Variants in IQCM observed in about 807,000 individuals in gnomAD.
IQCM encodes the protein IQ motif containing M, also known as IQ domain-containing protein M.
In IQCM, 45 loss-of-function variants were observed where a neutral mutation model predicts 57.6. The observed-to-expected ratio is 0.78, with a 90% CI of 0.62 to 1.00. The LOEUF (loss-of-function observed/expected upper bound fraction) is 1.00, where lower values mean the gene tolerates loss of function less well. Ranked by LOEUF, IQCM falls within the 50% of genes least tolerant of loss-of-function variation. IQCM has a pLI of 0.00. For synonymous variants in IQCM, 148 were observed against 158.9 expected (o/e 0.93, Z 0.51); for missense variants, 468 against 511.6 (o/e 0.91, Z 0.82).
chr4:149,813,953 A>G (rs1774823815), intron 2 of IQCM, among the ~76,000 whole-genome samples: 1 of 152,046 alleles, frequency 6.6e-6, no homozygotes, highest in Admixed American at 6.6e-5. Flanking sequence ...AAACCTCCCA[A>G]TAATTGAACA....
chr4:149,625,996 T>A (rs1218788676), intron 7 of IQCM, among the ~76,000 whole-genome samples: 1 of 152,136 alleles, frequency 6.6e-6, no homozygotes, highest in African/African-American at 2.4e-5. Context: ...TAATACTTTT[T>A]GTGCTGTGAT....
At chr4:149,567,359 T>A (rs1053600469) in intron 9 of IQCM, among the ~76,000 whole-genome samples, 1 of 152,060 alleles carries the variant, frequency 6.6e-6, no homozygotes, top group Non-Finnish European at 1.5e-5. Flanking sequence ...ATTATTATCC[T>A]TTTTTGAGAC....
intron 10 of IQCM, among the ~76,000 whole-genome samples, chr4:149,563,129 G>A (rs1750289181): frequency 6.6e-6 from 1 of 152,136 alleles, no homozygotes; most frequent in Non-Finnish European, 1.5e-5. Context: ...TATGAAAGTT[G>A]ACCAGGTAGA....
chr4:149,620,274 T>G (rs1418781412), intron 8 of IQCM, among the ~76,000 whole-genome samples: 7 of 152,128 alleles, frequency 4.6e-5, no homozygotes, highest in African/African-American at 1.7e-4. Flanking sequence ...GCCAGCAACT[T>G]TATCTTGGAC....
chr4:149,487,211 G>C (rs1579231584), intron 12 of IQCM, among the ~76,000 whole-genome samples: 1 of 152,114 alleles, frequency 6.6e-6, no homozygotes, highest in African/African-American at 2.4e-5. Flanking sequence ...CCAGGGTGTG[G>C]CTAGAAATGA....
intron 2 of IQCM, chr4:149,780,133 C>T (rs1182131295): frequency 6.6e-6 from 1 of 152,090 alleles, no homozygotes; most frequent in African/African-American, 2.4e-5. Context: ...AATATTACAG[C>T]ATAAACATTA....
intron 2 of IQCM, among the ~76,000 whole-genome samples, chr4:149,812,505 C>CAG (rs34873693): frequency 0.17 from 19,450 of 112,976 alleles, 1,282 homozygotes; most frequent in African/African-American, 0.34. Flanking sequence ...CACACACAGA[C>CAG]ACACACACAC....
At chr4:149,711,687 G>A (rs890529305) in intron 5 of IQCM, among the ~76,000 whole-genome samples, 4 of 142,906 alleles carry the variant, frequency 2.8e-5, no homozygotes, top group South Asian at 2.1e-4. Context: ...AAATAAAAAA[G>A]CAAAGGTCAT....
intron 8 of IQCM, among the ~76,000 whole-genome samples, chr4:149,614,609 T>G (rs2150060460): frequency 6.6e-6 from 1 of 152,300 alleles, no homozygotes; most frequent in South Asian, 2.1e-4. Context: ...GCTTGTCAGC[T>G]CTTCCTCATT....
At chr4:149,729,817 T>A (rs2149879570) in intron 5 of IQCM, among the ~76,000 whole-genome samples, 1 of 152,306 alleles carries the variant, frequency 6.6e-6, no homozygotes, top group African/African-American at 2.4e-5. Flanking sequence ...TGGTAAAAGA[T>A]GTACTTTTAA....
At chr4:149,797,322 GA>G (rs1410024349) in intron 2 of IQCM, among the ~76,000 whole-genome samples, 1 of 151,994 alleles carries the variant, frequency 6.6e-6, no homozygotes, top group Non-Finnish European at 1.5e-5. Flanking sequence ...TGATCAAGCA[GA>G]AGAAAGAATT....
At chr4:149,359,513 G>A (rs1729325115) in intron 13 of IQCM, among the ~76,000 whole-genome samples, 1 of 151,954 alleles carries the variant, frequency 6.6e-6, no homozygotes, top group South Asian at 2.1e-4. Flanking sequence ...TAGATAATTA[G>A]GAAATAATTA....
At chr4:149,806,081 A>C (rs906325559) in intron 2 of IQCM, among the ~76,000 whole-genome samples, 18 of 151,792 alleles carry the variant, frequency 1.2e-4, no homozygotes, top group Admixed American at 3.3e-4. Context: ...GCCAAATGAA[A>C]TAGAAACTTT....
At chr4:149,612,039 C>A (rs1755345067) in intron 8 of IQCM, among the ~76,000 whole-genome samples, 1 of 151,386 alleles carries the variant, frequency 6.6e-6, no homozygotes, top group Non-Finnish European at 1.5e-5. Flanking sequence ...AAGAAATGTA[C>A]AATCATGGTG....
At chr4:149,638,099 A>G (rs1055438735) in intron 7 of IQCM, among the ~76,000 whole-genome samples, 1 of 152,222 alleles carries the variant, frequency 6.6e-6, no homozygotes, top group Non-Finnish European at 1.5e-5. Context: ...TAAAAAGACA[A>G]CTCGATTTTT....
chr4:149,784,896 T>C (rs1002104866), intron 2 of IQCM, among the ~76,000 whole-genome samples: 3 of 152,208 alleles, frequency 2.0e-5, no homozygotes, highest in Non-Finnish European at 1.5e-5. Context: ...TGTAAACTTA[T>C]ATATGGAAAT....
At chr4:149,712,438 G>T (rs930637957) in intron 5 of IQCM, among the ~76,000 whole-genome samples, 1 of 152,034 alleles carries the variant, frequency 6.6e-6, no homozygotes, top group East Asian at 1.9e-4. Context: ...CCCCTCCATG[G>T]TACATAGATC....
At chr4:149,556,336 G>C (rs1160031269) in intron 10 of IQCM, among the ~76,000 whole-genome samples, 1 of 148,408 alleles carries the variant, frequency 6.7e-6, no homozygotes, top group African/African-American at 2.5e-5. Context: ...TTCATTGTTT[G>C]GAGAATTCCG....
At chr4:149,580,073 G>T (rs781451612) in intron 9 of IQCM, among the ~76,000 whole-genome samples, 1 of 151,722 alleles carries the variant, frequency 6.6e-6, no homozygotes, top group Non-Finnish European at 1.5e-5. Context: ...AGGCCATTTC[G>T]ATTCTACTAT....
Sources: allele counts gnomAD v4.1 joint callset (sites outside exome capture counted in the v4.1 genomes callset), GRCh38; gene constraint gnomAD v4.1.1; transcripts MANE v1.5; gene names NCBI Gene and HGNC (gene_info 2026-07-23, HGNC 2026-07-21).